LRRN2: variants seen among roughly 807,000 people sequenced by gnomAD.
The protein encoded by LRRN2 is leucine-rich repeat neuronal protein 2.
LRRN2 carries 10 observed loss-of-function variants against 35.7 expected under a neutral mutation model. That is an observed-to-expected ratio of 0.28 (90% CI 0.17 to 0.47). The LOEUF (loss-of-function observed/expected upper bound fraction) is 0.47, where lower values mean the gene tolerates loss of function less well. Ranked by LOEUF, LRRN2 falls within the 20% of genes least tolerant of loss-of-function variation. LRRN2 has a pLI of 0.99. For missense variants in LRRN2, 731 were observed against 940.3 expected, an observed-to-expected ratio of 0.78 and a Z score of 2.91; for synonymous variants, 391 against 409.6, an observed-to-expected ratio of 0.95 and a Z score of 0.55.
chr1:204,638,546 G>T (rs79688999), intron 1 of LRRN2, among the ~76,000 whole-genome samples: 1 of 151,590 alleles, frequency 6.6e-6, no homozygotes, highest in African/African-American at 2.4e-5. Context: ...GAGTAGCTGA[G>T]ATTACAGGCA....
At chr1:204,654,802 C>G (rs1034490641) in intron 1 of LRRN2, among the ~76,000 whole-genome samples, 2 of 152,226 alleles carry the variant, frequency 1.3e-5, no homozygotes, top group African/African-American at 4.8e-5. Context: ...CTTCCCAACT[C>G]CACCCTCAAT....
At chr1:204,675,331 CAG>C (rs1387920603) in intron 1 of LRRN2, among the ~76,000 whole-genome samples, 2 of 152,244 alleles carry the variant, frequency 1.3e-5, no homozygotes, top group Non-Finnish European at 2.9e-5. Flanking sequence ...ATAAACAACA[CAG>C]ATGTATTCTC....
rs767958296 is a variant in LRRN2 at position 204,619,328 on chromosome 1, C to G, written c.665G>C (p.Gly222Ala). The change falls in exon 2 of 2, where the codon GGC becomes GCC. Residue 222 changes from glycine (G) to alanine (A), a missense_variant. Physicochemically the swap from Gly to Ala is moderately conservative, Grantham distance 60. Around this residue, in one of 3 missense-constraint regions of LRRN2, gnomAD observed 246 missense variants for 289.5 expected, o/e 0.85. Coordinates refer to ENST00000367177, the MANE Select transcript of LRRN2 (RefSeq NM_201630.2). ...LANLRSLVLA[G>A]MNLREISDYA... ...GTCGGAGATCTCCCGCAGGTTCATGCCTGCTAGCACCAGGCTACGCAGGTT... is the reference window on the plus strand; with the variant it reads ...GTCGGAGATCTCCCGCAGGTTCATGGCTGCTAGCACCAGGCTACGCAGGTT... 1.9e-6 allele frequency: 3 copies of G among 1,614,096 alleles called. No homozygotes were observed. The highest frequency in any genetic ancestry group is 2.5e-6 in the Non-Finnish European group (3 of 1,180,050).
chr1:204,622,332 C>G (rs1447861351), intron 1 of LRRN2: 1 of 153,392 alleles, frequency 6.5e-6, no homozygotes, highest in Non-Finnish European at 1.5e-5. Context: ...CATCCTGCTT[C>G]CAGGATGCTA....
rs1053368407 is a variant in LRRN2, at chr1:204,673,723, C to T, written c.-227+11597G>A. 8.5e-5 allele frequency among the ~76,000 whole-genome samples: 13 copies of T among 152,176 alleles called. 1 individual carries two copies. The highest frequency in any genetic ancestry group is 6.5e-4 in the Admixed American group (10 of 15,276). On this transcript the variant is annotated intron_variant, in intron 1 of 1. Coordinates refer to ENST00000367177, the MANE Select transcript of LRRN2 (RefSeq NM_201630.2). ...CGTTCTGAGGTTGGCTAAGCTTTGC[C>T]GAAGAAAAGTGGAGAGGGGTCTGGC...
intron 1 of LRRN2, among the ~76,000 whole-genome samples, chr1:204,668,886 C>T (rs1261055266): frequency 6.6e-6 from 1 of 152,186 alleles, no homozygotes; most frequent in Non-Finnish European, 1.5e-5. Flanking sequence ...TGCAGTGGTG[C>T]TACCCTAGCT....
intron 1 of LRRN2, among the ~76,000 whole-genome samples, chr1:204,655,974 A>G (rs1350375627): frequency 1.3e-5 from 2 of 151,876 alleles, no homozygotes; most frequent in African/African-American, 2.4e-5. Flanking sequence ...CAGTGGCGCG[A>G]TCTCGGCTCA....
chr1:204,648,522 C>T (rs922489035), intron 1 of LRRN2, among the ~76,000 whole-genome samples: 1 of 152,196 alleles, frequency 6.6e-6, no homozygotes, highest in Admixed American at 6.5e-5. Context: ...GCAACCGCTG[C>T]ATACCAACAA....
intron 1 of LRRN2, among the ~76,000 whole-genome samples, chr1:204,656,122 G>A (rs1668350056): frequency 6.6e-6 from 1 of 152,000 alleles, no homozygotes; most frequent in Middle Eastern, 3.4e-3. Context: ...TGTTAGCCAG[G>A]ATGGTCTCGA....
intron 1 of LRRN2, among the ~76,000 whole-genome samples, chr1:204,655,613 T>G (rs938250599): frequency 1.1e-4 from 6 of 54,182 alleles, no homozygotes; most frequent in Non-Finnish European, 2.0e-4. Flanking sequence ...GTTTTTTTGT[T>G]TTTTTTTTTC....
intron 1 of LRRN2, among the ~76,000 whole-genome samples, chr1:204,660,302 TC>T (rs1235056486): frequency 1.3e-5 from 2 of 152,174 alleles, no homozygotes; most frequent in Non-Finnish European, 2.9e-5. Flanking sequence ...TGTCTCCATC[TC>T]CCCTTGCCTT....
intron 1 of LRRN2, chr1:204,628,561 G>T (rs1667572743): frequency 6.6e-6 from 1 of 152,162 alleles, no homozygotes. Context: ...TTTCCCTGGG[G>T]GCGCTTCGAG....
Position 204,617,887 on chromosome 1 carries a change from C to A in LRRN2, c.2106G>T (p.Gly702=), listed in dbSNP as rs1666464921. The A allele has an allele frequency of 6.2e-7, 1 of 1,613,978 alleles. No individual in the cohort carries two copies. Among genetic ancestry groups the A allele is most frequent in the South Asian group, 1.1e-5 (1 of 91,088 alleles). Residue 702 remains glycine, a synonymous_variant, in exon 2 of 2, where the codon GGG becomes GGT. Transcript: ENST00000367177. ...GAGACAATGGTGGCAACAGTGTCTC[C>A]CCTTCTGAGGATCTGGGCAGCTTCC... ...PGRKLPRSSE[G]ETLLPPLSQN... is the part of the protein sequence containing the mutation.
At chr1:204,666,151 A>C (rs1293429851) in intron 1 of LRRN2, among the ~76,000 whole-genome samples, 1 of 152,266 alleles carries the variant, frequency 6.6e-6, no homozygotes, top group Non-Finnish European at 1.5e-5. Context: ...ATAAAATGCC[A>C]GCCCTGTATG....
chr1:204,676,703 G>A (rs1209429183), intron 1 of LRRN2, among the ~76,000 whole-genome samples: 1 of 152,140 alleles, frequency 6.6e-6, no homozygotes, highest in African/African-American at 2.4e-5. Flanking sequence ...TCTATCATAT[G>A]TCCCAGGGGA....
chr1:204,683,285 C>T lies in LRRN2; in HGVS notation c.-227+2035G>A, dbSNP rs542057329. ...CAGGAGTGCGTGCACGCCTGGCTTA[C>T]GGTTTAAGCTGCAGTTTACAGGAGA... On this transcript the variant is annotated intron_variant, in intron 1 of 1. Coordinates refer to ENST00000367177, the MANE Select transcript of LRRN2 (RefSeq NM_201630.2). 5.9e-5 allele frequency among the ~76,000 whole-genome samples: 9 copies of T among 152,152 alleles called. No homozygotes were observed. The East Asian group carries it at 1.7e-3, about 29-fold the overall frequency.
At chr1:204,651,895 C>T (rs2102609678) in intron 1 of LRRN2, among the ~76,000 whole-genome samples, 1 of 152,342 alleles carries the variant, frequency 6.6e-6, no homozygotes, top group South Asian at 2.1e-4. Context: ...CAGCCCCTGC[C>T]TGCCCTGCCC....
chr1:204,643,487 T>A (rs1668030329), intron 1 of LRRN2, among the ~76,000 whole-genome samples: 1 of 152,190 alleles, frequency 6.6e-6, no homozygotes, highest in African/African-American at 2.4e-5. Flanking sequence ...TCCACGAAGA[T>A]GACTGCATAT....
chr1:204,621,787 CTG>C (rs1362007996), intron 1 of LRRN2: 1 of 167,114 alleles, frequency 6.0e-6, no homozygotes, highest in African/African-American at 2.4e-5. Context: ...AGGGGCCAGA[CTG>C]TGTTGCCTTC....
Sources: gnomAD v4.1 joint callset for allele counts (sites outside exome capture counted in the v4.1 genomes callset) on GRCh38, gnomAD v4.1.1 for gene constraint, gnomAD v4.1.1 regional missense constraint, MANE v1.5 for transcripts, NCBI Gene and HGNC (gene_info 2026-07-23, HGNC 2026-07-21) for gene names.